Variants in CDH4 observed in about 807,000 individuals in gnomAD.
The protein encoded by CDH4 is cadherin 4, also known as cadherin-4.
A neutral mutation model predicts 86.0 loss-of-function variants in CDH4; 33 were observed. The observed-to-expected ratio is 0.38, with a 90% CI of 0.29 to 0.51. The LOEUF is 0.51. Ranked by LOEUF, CDH4 falls within the 20% of genes least tolerant of loss-of-function variation. The probability of loss-of-function intolerance (pLI) is 0.86; values close to 1 mark genes in which losing one functional copy is unlikely to be tolerated. For missense variants in CDH4, 1,114 were observed against 1,307.4 expected, an observed-to-expected ratio of 0.85 and a Z score of 2.28; for synonymous variants, 555 against 549.4, an observed-to-expected ratio of 1.01 and a Z score of -0.14.
intron 2 of CDH4, among the ~76,000 whole-genome samples, chr20:61,659,629 G>C (rs1290350006): frequency 6.9e-6 from 1 of 145,568 alleles, no homozygotes; most frequent in Non-Finnish European, 1.5e-5. Context: ...GTGGGCCTCA[G>C]CCATCTGAGG....
chr20:61,616,774 C>T (rs979934043), intron 2 of CDH4, among the ~76,000 whole-genome samples: 3 of 152,180 alleles, frequency 2.0e-5, no homozygotes, highest in African/African-American at 4.8e-5. Flanking sequence ...TCCAAATGTT[C>T]TTGATTTCAG....
intron 2 of CDH4, among the ~76,000 whole-genome samples, chr20:61,630,454 G>A (rs902176091): frequency 2.6e-5 from 4 of 152,170 alleles, no homozygotes; most frequent in Non-Finnish European, 5.9e-5. Context: ...AACATGGGAC[G>A]CTCAGCGGGG....
chr20:61,613,366 C>A (rs995194644), intron 2 of CDH4, among the ~76,000 whole-genome samples: 1 of 152,070 alleles, frequency 6.6e-6, no homozygotes, highest in Non-Finnish European at 1.5e-5. Flanking sequence ...AAGTTCTTGC[C>A]AGATCTGGCC....
At chr20:61,443,775 G>C (rs1037971098) in intron 2 of CDH4, among the ~76,000 whole-genome samples, 1 of 152,148 alleles carries the variant, frequency 6.6e-6, no homozygotes, top group African/African-American at 2.4e-5. Flanking sequence ...ATGTGTGTGT[G>C]TGTGTGGATC....
chr20:61,692,197 TTG>T (rs373105888), intron 2 of CDH4, among the ~76,000 whole-genome samples: 1,733 of 150,574 alleles, frequency 0.012, 35 homozygotes, highest in African/African-American at 0.04. Context: ...CTGTATATGT[TTG>T]TGTGTATGTC....
intron 2 of CDH4, among the ~76,000 whole-genome samples, chr20:61,466,844 C>T (rs890289058): frequency 7.2e-6 from 1 of 139,698 alleles, no homozygotes; most frequent in Non-Finnish European, 1.5e-5. Flanking sequence ...AAGTGAGACG[C>T]TGCCTCAAAT....
intron 7 of CDH4, among the ~76,000 whole-genome samples, chr20:61,890,578 C>T (rs1039699846): frequency 5.4e-5 from 8 of 148,332 alleles, no homozygotes; most frequent in African/African-American, 1.5e-4. Context: ...GATGGATGTG[C>T]AGATGATGGA....
intron 2 of CDH4, among the ~76,000 whole-genome samples, chr20:61,590,047 G>C (rs1331096847): frequency 6.6e-6 from 1 of 152,036 alleles, no homozygotes; most frequent in Non-Finnish European, 1.5e-5. Context: ...GAAGGACTCG[G>C]TGGGCTCCCC....
intron 2 of CDH4, among the ~76,000 whole-genome samples, chr20:61,571,398 A>T (rs910647247): frequency 1.3e-5 from 2 of 152,162 alleles, no homozygotes; most frequent in African/African-American, 4.8e-5. Context: ...CATCTCCTTG[A>T]TGCCCAGAGG....
chr20:61,484,084 G>A (rs1038309233), intron 2 of CDH4, among the ~76,000 whole-genome samples: 21 of 152,004 alleles, frequency 1.4e-4, no homozygotes, highest in African/African-American at 3.4e-4. Context: ...CATAGCCTTC[G>A]TCAAGTCCTA....
chr20:61,616,756 C>T (rs552589557), intron 2 of CDH4, among the ~76,000 whole-genome samples: 5 of 152,164 alleles, frequency 3.3e-5, no homozygotes, highest in South Asian at 4.1e-4. Flanking sequence ...TGGGTCCTTG[C>T]GTTTCTCTCC....
At chr20:61,542,871 G>T (rs965298846) in intron 2 of CDH4, among the ~76,000 whole-genome samples, 1 of 152,200 alleles carries the variant, frequency 6.6e-6, no homozygotes, top group Non-Finnish European at 1.5e-5. Context: ...GCACGCTAAG[G>T]AGCCTGGAAG....
intron 2 of CDH4, among the ~76,000 whole-genome samples, chr20:61,541,343 G>A (rs576750310): frequency 6.6e-5 from 10 of 152,330 alleles, no homozygotes; most frequent in East Asian, 1.9e-4. Flanking sequence ...GATTCACCAC[G>A]ACGGTTTTAG....
chr20:61,851,103 G>A (rs1255720541), intron 5 of CDH4, among the ~76,000 whole-genome samples: 4 of 152,218 alleles, frequency 2.6e-5, no homozygotes, highest in South Asian at 2.1e-4. Context: ...GAGTCTGCCC[G>A]CGACGGGGCG....
intron 2 of CDH4, among the ~76,000 whole-genome samples, chr20:61,674,541 C>T (rs1222609117): frequency 1.3e-5 from 2 of 152,230 alleles, no homozygotes; most frequent in Non-Finnish European, 2.9e-5. Context: ...TTGGGGCCAC[C>T]TCCACCAGCA....
At position 61,929,781 on chromosome 20, in the gene CDH4, A is replaced by G. The variant is rs1441348543; in HGVS notation, c.2178A>G (p.Ala726=). 1 of 1,614,086 alleles carries G rather than the reference A, an allele frequency of 6.2e-7. No homozygotes were observed. The highest frequency in any genetic ancestry group is 2.2e-5 in the East Asian group (1 of 44,884). The change falls in exon 13 of 16, where the codon GCA becomes GCG. Residue 726 remains alanine, a synonymous_variant. Coordinates refer to ENST00000614565, the MANE Select transcript of CDH4 (RefSeq NM_001794.5). The stretch of plus-strand genomic sequence containing the variant: ...ACTGCACCACCATTGGCGCAGTGGC[A>G]GCGGCTGGTCTGGGCACCGGTGCCA... ...NGDCTTIGAV[A]AAGLGTGAIV... is the part of the protein sequence containing the mutation.
intron 8 of CDH4, among the ~76,000 whole-genome samples, chr20:61,900,146 C>A (rs959892445): frequency 6.6e-6 from 1 of 152,214 alleles, no homozygotes; most frequent in Non-Finnish European, 1.5e-5. Context: ...GGGCAGCTCT[C>A]GCCCACAGAT....
At chr20:61,446,545 C>A (rs540811547) in intron 2 of CDH4, among the ~76,000 whole-genome samples, 1 of 151,448 alleles carries the variant, frequency 6.6e-6, no homozygotes. Context: ...TCAGCTGATC[C>A]GCCTCATCTT....
At chr20:61,876,697 C>T (rs921971709) in intron 7 of CDH4, among the ~76,000 whole-genome samples, 4 of 152,082 alleles carry the variant, frequency 2.6e-5, no homozygotes, top group Non-Finnish European at 5.9e-5. Flanking sequence ...GCACTGGTTT[C>T]GTGTCGGTCC....
Sources: gnomAD v4.1 joint callset for allele counts (sites outside exome capture counted in the v4.1 genomes callset) on GRCh38, gnomAD v4.1.1 for gene constraint, MANE v1.5 for transcripts, NCBI Gene and HGNC (gene_info 2026-07-23, HGNC 2026-07-21) for gene names.